The following HLF variants were observed in gnomAD, a reference collection of about 807,000 sequenced individuals.
HLF encodes the protein hepatic leukemia factor.
A neutral mutation model predicts 22.6 loss-of-function variants in HLF; 3 were observed. The ratio of observed to expected loss-of-function variants is 0.13; its 90% confidence interval spans 0.06 to 0.34. HLF has a LOEUF of 0.34. Among genes scored for constraint, HLF ranks in the 10% least tolerant of loss-of-function variants. The pLI, the probability that HLF is intolerant of heterozygous loss-of-function variation, is 1.00. For synonymous variants in HLF, 151 were observed against 151.8 expected, an observed-to-expected ratio of 0.99 and a Z score of 0.04; for missense variants, 299 against 389.2, an observed-to-expected ratio of 0.77 and a Z score of 1.95.
At chr17:55,274,689 A>G (rs1262138278) in intron 2 of HLF, among the ~76,000 whole-genome samples, 2 of 152,218 alleles carry the variant, frequency 1.3e-5, no homozygotes, top group African/African-American at 4.8e-5. Context: ...AAATGCTCTG[A>G]GCTTTCAGTT....
intron 3 of HLF, among the ~76,000 whole-genome samples, chr17:55,318,433 C>A (rs1360542178): frequency 6.6e-6 from 1 of 152,102 alleles, no homozygotes; most frequent in African/African-American, 2.4e-5. Flanking sequence ...GAAATGAGAG[C>A]ACTTTAGAAG....
Position 55,324,952 on chromosome 17 carries a change from CATG to C in HLF, c.*4075_*4077del, listed in dbSNP as rs995316450. On this transcript the variant is annotated 3_prime_UTR_variant, in exon 4 of 4. Transcript: ENST00000226067. Reference sequence around the variant, plus strand: ...CATCTGTTAAACAGGTACAAGTTGACATGAGGTTAGTTTAATTGTACACCATGA... The same window carrying C: ...CATCTGTTAAACAGGTACAAGTTGACAGGTTAGTTTAATTGTACACCATGA... The C allele has an allele frequency of 1.7e-5, 4 of 230,804 alleles. No homozygotes were observed. Among genetic ancestry groups the C allele is most frequent in the Non-Finnish European group, 3.4e-5 (4 of 116,308 alleles). The allele number at this position is 230,804 out of a possible 1,614,324, so 14.3% of individuals were successfully genotyped here.
intron 2 of HLF, among the ~76,000 whole-genome samples, chr17:55,299,819 C>A (rs2081141138): frequency 1.3e-5 from 2 of 151,180 alleles, no homozygotes; most frequent in South Asian, 4.2e-4. Flanking sequence ...TCATATTGTT[C>A]CTCATTTGCT....
At chr17:55,309,494 T>G (rs1209719850) in intron 2 of HLF, among the ~76,000 whole-genome samples, 1 of 152,114 alleles carries the variant, frequency 6.6e-6, no homozygotes, top group Non-Finnish European at 1.5e-5. Flanking sequence ...AAAGCACTAT[T>G]TCAGATTATG....
intron 2 of HLF, among the ~76,000 whole-genome samples, chr17:55,270,495 C>T (rs1475126794): frequency 6.6e-6 from 1 of 152,162 alleles, no homozygotes; most frequent in East Asian, 1.9e-4. Context: ...TTCTGTGTGG[C>T]TCACAGGAGT....
intron 2 of HLF, among the ~76,000 whole-genome samples, chr17:55,285,658 G>A (rs1015171707): frequency 2.0e-5 from 3 of 152,142 alleles, no homozygotes; most frequent in African/African-American, 7.2e-5. Context: ...TTGCAGTCAC[G>A]TGGAGAGAAA....
At chr17:55,275,951 T>A (rs1044441549) in intron 2 of HLF, among the ~76,000 whole-genome samples, 20 of 152,234 alleles carry the variant, frequency 1.3e-4, no homozygotes, top group African/African-American at 4.6e-4. Flanking sequence ...AATATTTTTT[T>A]AAAAATATTA....
chr17:55,299,261 C>G (rs2145345760), intron 2 of HLF, among the ~76,000 whole-genome samples: 1 of 152,304 alleles, frequency 6.6e-6, no homozygotes, highest in South Asian at 2.1e-4. Context: ...CACTTCCAGG[C>G]AACACTTATT....
chr17:55,315,151 C>A, intron 2 of HLF, 76 bp from the exon 3 acceptor site: 1 of 1,083,220 alleles, frequency 9.2e-7, no homozygotes, highest in Non-Finnish European at 1.4e-6. Flanking sequence ...TACCACTCAT[C>A]TCAGAGCACC....
At chr17:55,296,763 T>G (rs954304641) in intron 2 of HLF, among the ~76,000 whole-genome samples, 2 of 152,150 alleles carry the variant, frequency 1.3e-5, no homozygotes, top group Non-Finnish European at 2.9e-5. Context: ...GTGTGTAGGC[T>G]CCAAAAGAAT....
chr17:55,311,565 T>TA (rs996925624), intron 2 of HLF, among the ~76,000 whole-genome samples: 1 of 152,206 alleles, frequency 6.6e-6, no homozygotes. Flanking sequence ...TGCCAACATT[T>TA]AAAAAATCAT....
intron 2 of HLF, among the ~76,000 whole-genome samples, chr17:55,288,496 C>T (rs2081027428): frequency 1.3e-5 from 2 of 152,108 alleles, no homozygotes; most frequent in Admixed American, 1.3e-4. Flanking sequence ...GATGCCATGG[C>T]TCACGCCTAT....
chr17:55,272,466 C>G (rs914821449), intron 2 of HLF: 2 of 152,090 alleles, frequency 1.3e-5, no homozygotes, highest in Non-Finnish European at 2.9e-5. Context: ...AGAAGGCTGT[C>G]TTTCTAGTTC....
In HLF at chr17:55,267,797, T is replaced by C; in HGVS notation, c.162T>C (p.Ser54=). The C allele has an allele frequency of 6.2e-7, 1 of 1,606,702 alleles. No homozygotes were observed. The highest frequency in any genetic ancestry group is 8.5e-7 in the Non-Finnish European group (1 of 1,174,156). Residue 54 remains serine, a synonymous_variant, in exon 2 of 4, where the codon AGT becomes AGC. Transcript: ENST00000226067. ...KDKEKKLDDE[S]NSPTVPQSAF... ...AGGAAAAGAAGCTGGATGATGAGAG[T>C]AACAGCCCGACGGTCCCCCAGTCGG... is the stretch of plus-strand genomic sequence containing the variant.
intron 2 of HLF, among the ~76,000 whole-genome samples, chr17:55,290,230 C>T (rs1360364030): frequency 6.6e-6 from 1 of 152,140 alleles, no homozygotes; most frequent in Non-Finnish European, 1.5e-5. Flanking sequence ...ACCATATGAC[C>T]CAGCAGTGCC....
chr17:55,271,851 A>T (rs1424199464), intron 2 of HLF: 1 of 152,180 alleles, frequency 6.6e-6, no homozygotes, highest in Non-Finnish European at 1.5e-5. Flanking sequence ...GAATTCTCAT[A>T]CTATTTACCA....
chr17:55,322,116 G>T lies in HLF; in HGVS notation c.*1237G>T, dbSNP rs567344454. 2 of 206,272 alleles carry T rather than the reference G, an allele frequency of 9.7e-6. No homozygotes were observed. The highest frequency in any genetic ancestry group is 4.6e-5 in the African/African-American group (2 of 43,798). The allele number at this position is 206,272 out of a possible 1,614,324, so 12.8% of individuals were successfully genotyped here. A position where few individuals can be genotyped will look rare whatever the true frequency, so the allele number is the denominator to read the frequency against. ...ATAAATTAATGATTCTGAAGCTTAT[G>T]TTTCTTATTCTCTGTTTGCTTTTGA... is the stretch of plus-strand genomic sequence containing the variant. On this transcript the variant is annotated 3_prime_UTR_variant, in exon 4 of 4. Coordinates refer to ENST00000226067, the MANE Select transcript of HLF (RefSeq NM_002126.5).
At position 55,315,229 on chromosome 17, in the gene HLF, C is replaced by A; in HGVS notation, c.454C>A (p.Gln152Lys). Residue 152 changes from glutamine to lysine, a missense_variant and splice_region_variant, in exon 3 of 4, where the codon CAG becomes AAG. This residue lies in a region of HLF where 224 missense variants were observed against 298.1 expected (regional missense o/e 0.75). Coordinates refer to ENST00000226067, the MANE Select transcript of HLF (RefSeq NM_002126.5). ...TTAAAACTCCTGTGTTGTTCCAGGT[C>A]AGCTGTTGCCAGCAAACCGCAATAC... ...NCMQSPIRPGQLLPANRNTPS... is the reference protein window; with the variant it reads ...NCMQSPIRPGKLLPANRNTPS... The A allele has an allele frequency of 6.2e-7, 1 of 1,613,452 alleles. No homozygotes were observed. Among genetic ancestry groups the A allele is most frequent in the Non-Finnish European group, 8.5e-7 (1 of 1,179,464 alleles).
intron 2 of HLF, chr17:55,272,900 G>A (rs2080871117): frequency 6.6e-6 from 1 of 152,342 alleles, no homozygotes; most frequent in Admixed American, 6.5e-5. Context: ...GGTGTCTCAA[G>A]CATCTTGGAA....
Sources: gnomAD v4.1 joint callset for allele counts (sites outside exome capture counted in the v4.1 genomes callset) on GRCh38, gnomAD v4.1.1 for gene constraint, gnomAD v4.1.1 regional missense constraint, MANE v1.5 for transcripts, NCBI Gene and HGNC (gene_info 2026-07-23, HGNC 2026-07-21) for gene names.